Variants in C1orf21 observed in about 807,000 individuals in gnomAD.
The protein encoded by C1orf21 is uncharacterized protein C1orf21.
Under a neutral mutation model 18.7 loss-of-function variants are expected in C1orf21, and 3 were observed. The ratio of observed to expected loss-of-function variants is 0.16; its 90% CI spans 0.07 to 0.42. C1orf21 has a LOEUF of 0.42. Among genes scored for constraint, C1orf21 ranks in the 10% least tolerant of loss-of-function variants. The pLI is 0.99. For synonymous variants in C1orf21, 41 were observed against 46.4 expected, an observed-to-expected ratio of 0.88 and a Z score of 0.47; for missense variants, 104 against 143.6, an observed-to-expected ratio of 0.72 and a Z score of 1.41.
intron 3 of C1orf21, chr1:184,567,264 A>C: frequency 2.2e-6 from 1 of 462,028 alleles, no homozygotes; most frequent in Non-Finnish European, 4.4e-6. Context: ...GTTCAGAAGG[A>C]GACTGTAAAG....
chr1:184,548,058 T>C (rs1658752050), intron 3 of C1orf21, among the ~76,000 whole-genome samples: 1 of 152,194 alleles, frequency 6.6e-6, no homozygotes, highest in Non-Finnish European at 1.5e-5. Flanking sequence ...GTGCTGGGCC[T>C]CACAACCTGG....
At chr1:184,616,670 ATGTGTGCACGTGTGTGTGCTTG>A (rs1447898263) in intron 5 of C1orf21, among the ~76,000 whole-genome samples, 6 of 151,744 alleles carry the variant, frequency 4.0e-5, no homozygotes, top group African/African-American at 1.5e-4. Flanking sequence ...ATGTGTGTGC[ATGTGTGCACGTGTGTGTGCTTG>A]TGTGTGCACA....
At chr1:184,495,624 A>C (rs962468034) in intron 2 of C1orf21, among the ~76,000 whole-genome samples, 7 of 152,082 alleles carry the variant, frequency 4.6e-5, no homozygotes, top group Non-Finnish European at 1.5e-5. Flanking sequence ...GTTTTTGTTT[A>C]TTACAAGATA....
In C1orf21 at chr1:184,620,293, T is replaced by C. The variant is rs888106166; in HGVS notation, c.*737T>C. On this transcript the variant is annotated 3_prime_UTR_variant, in exon 6 of 6. Coordinates refer to ENST00000235307, the MANE Select transcript of C1orf21 (RefSeq NM_030806.4). ...TGAATCCCTCTTCCTCACTTTTTTTTCTAAGAAAATAAACATTTTACTGTT... is the reference window on the plus strand; with the variant it reads ...TGAATCCCTCTTCCTCACTTTTTTTCCTAAGAAAATAAACATTTTACTGTT... 2 of 152,656 alleles carry C rather than the reference T, an allele frequency of 1.3e-5. No homozygotes were observed. The highest frequency in any genetic ancestry group is 4.8e-5 in the African/African-American group (2 of 41,450). 9.5% of individuals were successfully genotyped at this position (152,656 alleles called of 1,614,324 possible). A position where few individuals can be genotyped will look rare whatever the true frequency, so the allele number is the denominator to read the frequency against.
At chr1:184,599,738 T>C (rs1415983735) in intron 5 of C1orf21, 1 of 152,178 alleles carries the variant, frequency 6.6e-6, no homozygotes, top group Non-Finnish European at 1.5e-5. Flanking sequence ...CCTTTTTTAG[T>C]AAAGAGAAGC....
Position 184,551,920 on chromosome 1 carries a change from G to A in C1orf21, c.190-38819G>A, listed in dbSNP as rs555305626. Among the ~76,000 whole-genome samples the A allele has an allele frequency of 2.0e-5, 3 of 147,526 alleles. No homozygotes were observed. The South Asian group carries it at 6.4e-4, about 32-fold the overall frequency. ...GGCTACACCACTGTAATTGAGCCTG[G>A]GTGACAGAAAGAGACCCTGTCTTAA... On this transcript the variant is annotated intron_variant, in intron 3 of 5. Transcript: ENST00000235307.
chr1:184,520,518 C>T (rs189270283), intron 3 of C1orf21, among the ~76,000 whole-genome samples: 100 of 152,244 alleles, frequency 6.6e-4, no homozygotes, highest in African/African-American at 2.3e-3. Flanking sequence ...CAGCAGGGAA[C>T]GCCAACTGCA....
chr1:184,443,025 C>T (rs187052779), intron 1 of C1orf21, among the ~76,000 whole-genome samples: 10 of 152,204 alleles, frequency 6.6e-5, no homozygotes, highest in Admixed American at 6.5e-4. Context: ...GTTGTGAAGT[C>T]AGTAATAACA....
intron 2 of C1orf21, among the ~76,000 whole-genome samples, chr1:184,484,884 CTG>C (rs3034460): frequency 0.081 from 11,877 of 145,870 alleles, 491 homozygotes; most frequent in Non-Finnish European, 0.093. Flanking sequence ...ATGCTTGTGG[CTG>C]TGTGTGTGTG....
At chr1:184,418,881 G>C (rs1656501592) in intron 1 of C1orf21, among the ~76,000 whole-genome samples, 1 of 152,128 alleles carries the variant, frequency 6.6e-6, no homozygotes, top group Non-Finnish European at 1.5e-5. Flanking sequence ...TGTTGGTTTG[G>C]CTATCACAAT....
At chr1:184,439,037 C>G (rs1656904243) in intron 1 of C1orf21, among the ~76,000 whole-genome samples, 1 of 152,022 alleles carries the variant, frequency 6.6e-6, no homozygotes, top group Non-Finnish European at 1.5e-5. Flanking sequence ...GCGGTGAAAA[C>G]CCATTTCTAC....
Position 184,590,066 on chromosome 1 carries a change from C to T in C1orf21, c.190-673C>T, listed in dbSNP as rs553733389. Among the ~76,000 whole-genome samples, 52 of 152,108 alleles carry T rather than the reference C, an allele frequency of 3.4e-4. No individual in the cohort carries two copies. In the South Asian group the frequency reaches 5.4e-3, roughly 16 times the overall value. On this transcript the variant is annotated intron_variant, in intron 3 of 5. Transcript: ENST00000235307. ...CACCTTGAATATCTTTTTAAGATAA[C>T]GTTGAAAAATGCAGAGCAGTAGTAT...
intron 1 of C1orf21, among the ~76,000 whole-genome samples, chr1:184,469,264 C>T (rs755051381): frequency 3.3e-5 from 5 of 151,956 alleles, no homozygotes; most frequent in Non-Finnish European, 5.9e-5. Context: ...ACAAAACAAA[C>T]GAACAAAAAA....
intron 4 of C1orf21, among the ~76,000 whole-genome samples, chr1:184,593,411 C>T (rs1010254294): frequency 2.6e-5 from 4 of 152,166 alleles, no homozygotes; most frequent in African/African-American, 7.2e-5. Context: ...TACTTGCTGA[C>T]ATATAGGATC....
At chr1:184,483,921 TG>T (rs1294352902) in intron 2 of C1orf21, among the ~76,000 whole-genome samples, 2 of 19,598 alleles carry the variant, frequency 1.0e-4, no homozygotes, top group African/African-American at 2.0e-4. Flanking sequence ...GGGGCGGGGG[TG>T]GGGGGTGTAT....
intron 3 of C1orf21, among the ~76,000 whole-genome samples, chr1:184,559,581 CT>C (rs1658930944): frequency 7.8e-6 from 1 of 127,878 alleles, no homozygotes; most frequent in African/African-American, 3.4e-5. Context: ...CTCCCTCCCT[CT>C]CTTCCTCCCT....
chr1:184,467,980 C>CT (rs1210200015), intron 1 of C1orf21, among the ~76,000 whole-genome samples: 1 of 143,858 alleles, frequency 7.0e-6, no homozygotes, highest in Non-Finnish European at 1.5e-5. Flanking sequence ...ATCTTTAGAG[C>CT]TTTTATGGTG....
At chr1:184,553,081 A>G (rs1001677957) in intron 3 of C1orf21, among the ~76,000 whole-genome samples, 1 of 152,170 alleles carries the variant, frequency 6.6e-6, no homozygotes, top group African/African-American at 2.4e-5. Context: ...GTGCATGTCT[A>G]CAGGGCCCTC....
intron 5 of C1orf21, among the ~76,000 whole-genome samples, chr1:184,600,414 A>G (rs12072648): frequency 0.4 from 61,125 of 151,956 alleles, 15,189 homozygotes; most frequent in African/African-American, 0.71. Context: ...TGATCGACGC[A>G]CCTCAGCCTC....
Sources: gnomAD v4.1 joint callset for allele counts (sites outside exome capture counted in the v4.1 genomes callset) on GRCh38, gnomAD v4.1.1 for gene constraint, MANE v1.5 for transcripts, NCBI Gene and HGNC (gene_info 2026-07-23, HGNC 2026-07-21) for gene names.